Variants in CSMD1 observed in about 807,000 individuals in gnomAD.
CSMD1 encodes the protein CUB and Sushi multiple domains 1, also known as CUB and sushi domain-containing protein 1.
Under a neutral mutation model 417.5 loss-of-function variants are expected in CSMD1, and 213 were observed. The observed-to-expected ratio is 0.51, with a 90% confidence interval of 0.46 to 0.57. The LOEUF is 0.57. Ranked by LOEUF, CSMD1 falls within the 20% of genes least tolerant of loss-of-function variation. The pLI is 0.00. For missense variants in CSMD1, 6,923 were observed against 4,529.7 expected (o/e 1.53, Z -15.17); for synonymous variants, 2,862 against 1,736.8 (o/e 1.65, Z -16.11).
At chr8:4,372,711 T>C (rs1028696945) in intron 3 of CSMD1, among the ~76,000 whole-genome samples, 2 of 146,560 alleles carry the variant, frequency 1.4e-5, no homozygotes, top group Non-Finnish European at 3.0e-5. Flanking sequence ...ACTGAAAGAG[T>C]TCTCACTGTC....
At chr8:4,089,171 T>C (rs1018632804) in intron 3 of CSMD1, among the ~76,000 whole-genome samples, 5 of 152,162 alleles carry the variant, frequency 3.3e-5, no homozygotes, top group African/African-American at 1.2e-4. Context: ...TCCCCACTCT[T>C]TATGGTGACA....
intron 1 of CSMD1, among the ~76,000 whole-genome samples, chr8:4,862,490 TG>T (rs1362316009): frequency 3.3e-5 from 5 of 152,034 alleles, no homozygotes; most frequent in African/African-American, 1.2e-4. Context: ...AAGTCTGCAG[TG>T]ATAAGCAGTG....
chr8:4,216,871 C>A (rs1050741822), intron 3 of CSMD1, among the ~76,000 whole-genome samples: 1 of 152,182 alleles, frequency 6.6e-6, no homozygotes, highest in African/African-American at 2.4e-5. Flanking sequence ...TTGACAGTCT[C>A]CCTTTTTTCC....
At chr8:4,445,753 G>C (rs907755340) in intron 2 of CSMD1, among the ~76,000 whole-genome samples, 1 of 147,694 alleles carries the variant, frequency 6.8e-6, no homozygotes, top group Non-Finnish European at 1.5e-5. Flanking sequence ...ATAATAGACG[G>C]TCCTGAGAAT....
intron 4 of CSMD1, among the ~76,000 whole-genome samples, chr8:4,008,680 A>T (rs1239686965): frequency 1.6e-5 from 2 of 127,336 alleles, no homozygotes; most frequent in Admixed American, 2.1e-4. Flanking sequence ...GTGCGATCTC[A>T]GGTAACTGCA....
intron 3 of CSMD1, among the ~76,000 whole-genome samples, chr8:4,328,482 C>G (rs755886956): frequency 1.5e-4 from 23 of 151,688 alleles, no homozygotes; most frequent in African/African-American, 2.4e-4. Flanking sequence ...AGGGGACTTA[C>G]AAAAATTAGA....
intron 5 of CSMD1, among the ~76,000 whole-genome samples, chr8:3,932,570 A>G (rs1810224998): frequency 6.6e-6 from 1 of 150,652 alleles, no homozygotes. Context: ...TTGCAGTCTA[A>G]TTAGTACTGT....
At chr8:3,934,041 C>A (rs28591443) in intron 5 of CSMD1, among the ~76,000 whole-genome samples, 51 of 151,900 alleles carry the variant, frequency 3.4e-4, no homozygotes, top group African/African-American at 1.2e-3. Flanking sequence ...GGAAGCCACT[C>A]TGCTCTACAC....
chr8:4,759,207 G>A (rs1015553529), intron 1 of CSMD1, among the ~76,000 whole-genome samples: 3 of 152,168 alleles, frequency 2.0e-5, no homozygotes, highest in Non-Finnish European at 4.4e-5. Context: ...CTTGAGGCCA[G>A]AGGCTCTGGT....
intron 11 of CSMD1, among the ~76,000 whole-genome samples, chr8:3,480,671 A>C (rs998643161): frequency 6.6e-6 from 1 of 152,126 alleles, no homozygotes; most frequent in African/African-American, 2.4e-5. Context: ...AGACAGAAAA[A>C]ACAACCAAAA....
At chr8:3,495,785 T>C (rs1796338979) in intron 10 of CSMD1, among the ~76,000 whole-genome samples, 1 of 152,218 alleles carries the variant, frequency 6.6e-6, no homozygotes. Context: ...GCAACTTTAA[T>C]GACATTGAGC....
chr8:3,261,527 TG>T (rs1414070245), intron 26 of CSMD1, among the ~76,000 whole-genome samples: 1 of 152,084 alleles, frequency 6.6e-6, no homozygotes, highest in Non-Finnish European at 1.5e-5. Flanking sequence ...AAAATAATTT[TG>T]AAAAGAAAAC....
intron 57 of CSMD1, among the ~76,000 whole-genome samples, chr8:2,971,689 T>C (rs1804469258): frequency 6.6e-6 from 1 of 152,228 alleles, no homozygotes; most frequent in Admixed American, 6.5e-5. Flanking sequence ...CAAATTTTAA[T>C]ACTGAAATAT....
At chr8:4,850,488 A>G (rs1448090951) in intron 1 of CSMD1, among the ~76,000 whole-genome samples, 1 of 149,206 alleles carries the variant, frequency 6.7e-6, no homozygotes, top group Non-Finnish European at 1.5e-5. Flanking sequence ...TCACATGACA[A>G]TTGCAAACAT....
At chr8:2,999,880 G>T in intron 53 of CSMD1, 78 bp downstream of exon 53, 2 of 1,298,576 alleles carry the variant, frequency 1.5e-6, no homozygotes, top group Non-Finnish European at 1.1e-6. Context: ...TTAAACAGGT[G>T]TATATTGTGA....
chr8:3,767,087 C>G (rs1445913018), intron 5 of CSMD1, among the ~76,000 whole-genome samples: 2 of 152,228 alleles, frequency 1.3e-5, no homozygotes, highest in Non-Finnish European at 2.9e-5. Flanking sequence ...TGCAGACCCA[C>G]TTAAACCTCA....
intron 5 of CSMD1, among the ~76,000 whole-genome samples, chr8:3,867,229 T>C (rs767699946): frequency 1.3e-5 from 2 of 152,140 alleles, no homozygotes; most frequent in Non-Finnish European, 2.9e-5. Flanking sequence ...CATGAATAAA[T>C]TAGTAACTAG....
chr8:4,148,296 C>A (rs924329829), intron 3 of CSMD1, among the ~76,000 whole-genome samples: 1 of 141,944 alleles, frequency 7.0e-6, no homozygotes, highest in African/African-American at 2.6e-5. Context: ...CATGTTCTCA[C>A]TCATAGGTGG....
At chr8:4,112,551 C>T (rs1463237995) in intron 3 of CSMD1, among the ~76,000 whole-genome samples, 5 of 152,150 alleles carry the variant, frequency 3.3e-5, no homozygotes, top group Non-Finnish European at 5.9e-5. Context: ...GCACGTCCTG[C>T]TTTCTCTGTT....
Sources: allele counts gnomAD v4.1 joint callset (sites outside exome capture counted in the v4.1 genomes callset), GRCh38; gene constraint gnomAD v4.1.1; transcripts MANE v1.5; gene names NCBI Gene and HGNC (gene_info 2026-07-23, HGNC 2026-07-21).